Variants in PALLD observed in about 807,000 individuals in gnomAD.
The protein encoded by PALLD is palladin, cytoskeletal associated protein, also known as palladin.
Under a neutral mutation model 123.5 loss-of-function variants are expected in PALLD, and 61 were observed. The observed-to-expected ratio is 0.49, with a 90% CI of 0.40 to 0.61. The LOEUF (loss-of-function observed/expected upper bound fraction) is 0.61, where lower values mean the gene tolerates loss of function less well. Ranked by LOEUF, PALLD falls within the 20% of genes least tolerant of loss-of-function variation. The probability of loss-of-function intolerance (pLI) is 0.00; values close to 1 mark genes in which losing one functional copy is unlikely to be tolerated. For missense variants in PALLD, 1,273 were observed against 1,377.0 expected (o/e 0.92, Z 1.20); for synonymous variants, 465 against 496.4 (o/e 0.94, Z 0.84).
At chr4:168,926,111 G>A in intron 21 of PALLD, 102 bp from the exon 22 acceptor site, 3 of 952,266 alleles carry the variant, frequency 3.2e-6, no homozygotes, top group East Asian at 5.3e-5. Flanking sequence ...ATGTGTTCAG[G>A]TGCCTTGCAT....
chr4:168,734,187 G>T (rs1289784432), intron 10 of PALLD, among the ~76,000 whole-genome samples: 2 of 151,990 alleles, frequency 1.3e-5, no homozygotes, highest in African/African-American at 2.4e-5. Flanking sequence ...AGTAACATCA[G>T]TGTTAACTAT....
intron 10 of PALLD, among the ~76,000 whole-genome samples, chr4:168,767,456 G>A (rs1478596974): frequency 6.6e-6 from 1 of 152,046 alleles, no homozygotes; most frequent in East Asian, 1.9e-4. Context: ...GTTAACTTAG[G>A]CTAATACCAG....
intron 2 of PALLD, chr4:168,631,646 A>C: frequency 1.0e-6 from 1 of 985,330 alleles, no homozygotes; most frequent in Non-Finnish European, 1.2e-6. Context: ...GCGGCCTCTC[A>C]CCGAGCCTGA....
At chr4:168,589,561 G>C (rs1771193179) in intron 2 of PALLD, among the ~76,000 whole-genome samples, 1 of 133,496 alleles carries the variant, frequency 7.5e-6, no homozygotes, top group African/African-American at 2.6e-5. Flanking sequence ...AAAAACTATA[G>C]ATCTACTGCT....
chr4:168,861,781 G>A (rs935597807), intron 10 of PALLD, among the ~76,000 whole-genome samples: 3 of 151,688 alleles, frequency 2.0e-5, no homozygotes, highest in African/African-American at 4.8e-5. Context: ...TCAGCCTCCC[G>A]AGTAGCTGGG....
At chr4:168,668,599 A>G (rs1779881448) in intron 3 of PALLD, among the ~76,000 whole-genome samples, 1 of 152,236 alleles carries the variant, frequency 6.6e-6, no homozygotes, top group Non-Finnish European at 1.5e-5. Context: ...TTTCCACTCC[A>G]TTAACTTGAA....
intron 2 of PALLD, among the ~76,000 whole-genome samples, chr4:168,583,419 C>T (rs1268445824): frequency 1.3e-5 from 2 of 152,144 alleles, no homozygotes; most frequent in African/African-American, 2.4e-5. Context: ...AAGCACATTT[C>T]GATTCAGCAG....
chr4:168,731,013 C>T (rs1241894263), intron 10 of PALLD, among the ~76,000 whole-genome samples: 3 of 152,148 alleles, frequency 2.0e-5, no homozygotes, highest in Non-Finnish European at 4.4e-5. Context: ...ATTCAGCTGC[C>T]TTCCTACAAA....
chr4:168,595,639 C>T (rs186626351), intron 2 of PALLD, among the ~76,000 whole-genome samples: 146 of 152,192 alleles, frequency 9.6e-4, no homozygotes, highest in Middle Eastern at 3.4e-3. Flanking sequence ...TATAGTGAAG[C>T]AAGACAGTGT....
chr4:168,588,540 T>TG (rs1771078242), intron 2 of PALLD, among the ~76,000 whole-genome samples: 1 of 152,060 alleles, frequency 6.6e-6, no homozygotes, highest in Non-Finnish European at 1.5e-5. Flanking sequence ...TACCTGGGAT[T>TG]ACAGGTGCCT....
chr4:168,880,953 G>A (rs184530109), intron 10 of PALLD, among the ~76,000 whole-genome samples: 1 of 151,964 alleles, frequency 6.6e-6, no homozygotes, highest in Non-Finnish European at 1.5e-5. Flanking sequence ...TGTTGTCCAG[G>A]CTGGAATGCA....
At chr4:168,754,140 G>A (rs1195784147) in intron 10 of PALLD, among the ~76,000 whole-genome samples, 2 of 152,154 alleles carry the variant, frequency 1.3e-5, no homozygotes, top group Non-Finnish European at 2.9e-5. Context: ...ATTTGAAGAA[G>A]GTTGCAAACT....
intron 2 of PALLD, among the ~76,000 whole-genome samples, chr4:168,584,622 G>T (rs1053594858): frequency 6.6e-6 from 1 of 152,172 alleles, no homozygotes; most frequent in African/African-American, 2.4e-5. Context: ...TAGTCACCAA[G>T]TATGTCAGAC....
chr4:168,641,221 AAGAG>A (rs200924615), intron 2 of PALLD, among the ~76,000 whole-genome samples: 8,320 of 151,144 alleles, frequency 0.055, 325 homozygotes, highest in Non-Finnish European at 0.084. Context: ...AAAAAAAAAA[AAGAG>A]AGAGATTCTA....
intron 2 of PALLD, among the ~76,000 whole-genome samples, chr4:168,557,742 C>A (rs1767466792): frequency 6.6e-6 from 1 of 152,150 alleles, no homozygotes; most frequent in Non-Finnish European, 1.5e-5. Context: ...GGCCTAATCC[C>A]ATGTAATTCT....
chr4:168,715,725 C>T (rs907347562), intron 10 of PALLD, among the ~76,000 whole-genome samples: 3 of 152,112 alleles, frequency 2.0e-5, no homozygotes, highest in Non-Finnish European at 2.9e-5. Context: ...CCAAGGTGGG[C>T]GGATCACGAG....
At chr4:168,843,740 C>T (rs548144094) in intron 10 of PALLD, among the ~76,000 whole-genome samples, 1 of 152,200 alleles carries the variant, frequency 6.6e-6, no homozygotes, top group South Asian at 2.1e-4. Flanking sequence ...GTGGGGCAAG[C>T]AGAGTAAAGA....
chr4:168,720,094 AAC>A (rs1785843261), intron 10 of PALLD, among the ~76,000 whole-genome samples: 1 of 152,218 alleles, frequency 6.6e-6, no homozygotes, highest in Non-Finnish European at 1.5e-5. Context: ...GGGTGCTGAA[AAC>A]ACAAAGATGA....
In PALLD at chr4:168,566,402, A is replaced by G. The variant is rs118133792; in HGVS notation, c.908+53990A>G. 9.6e-3 allele frequency among the ~76,000 whole-genome samples: 1,456 copies of G among 152,246 alleles called. 49 individuals are homozygous for G. The South Asian group carries it at 0.13, about 14-fold the overall frequency. On this transcript the variant is annotated intron_variant, in intron 2 of 21. Transcript: ENST00000505667. ...AACCTTGATCTCCCAGGGTCAATCAATCCTCCTACCTCAGCCTCCTAAGTA... is the reference window on the plus strand; with the variant it reads ...AACCTTGATCTCCCAGGGTCAATCAGTCCTCCTACCTCAGCCTCCTAAGTA...
Sources: gnomAD v4.1 joint callset for allele counts (sites outside exome capture counted in the v4.1 genomes callset) on GRCh38, gnomAD v4.1.1 for gene constraint, MANE v1.5 for transcripts, NCBI Gene and HGNC (gene_info 2026-07-23, HGNC 2026-07-21) for gene names.